Variants in MSH3 observed in about 807,000 individuals in gnomAD.
The protein encoded by MSH3 is mutS homolog 3, also known as DNA mismatch repair protein Msh3.
In MSH3, 106 loss-of-function variants were observed where a neutral mutation model predicts 123.3. The ratio of observed to expected loss-of-function variants is 0.86; its 90% CI spans 0.73 to 1.01. The LOEUF is 1.01. Among genes scored for constraint, MSH3 ranks in the 50% least tolerant of loss-of-function variants. The probability of loss-of-function intolerance (pLI) is 0.00; values close to 1 mark genes in which losing one functional copy is unlikely to be tolerated. For missense variants in MSH3, 1,459 were observed against 1,347.6 expected (o/e 1.08, Z -1.29); for synonymous variants, 515 against 481.4 (o/e 1.07, Z -0.91).
intron 4 of MSH3, among the ~76,000 whole-genome samples, chr5:80,671,137 A>T (rs1002053273): frequency 6.9e-6 from 1 of 144,098 alleles, no homozygotes; most frequent in African/African-American, 2.6e-5. Flanking sequence ...AAAAAAAAAA[A>T]TTGGGATTGT....
intron 17 of MSH3, 22 bp from the exon 18 acceptor site, chr5:80,787,543 G>T (rs1744530214): frequency 6.5e-7 from 1 of 1,532,288 alleles, no homozygotes; most frequent in Non-Finnish European, 9.0e-7. Flanking sequence ...TCACCTTTTT[G>T]TTGTTGCTGC....
chr5:80,761,942 C>T (rs1193746725), intron 13 of MSH3, among the ~76,000 whole-genome samples: 1 of 151,868 alleles, frequency 6.6e-6, no homozygotes, highest in African/African-American at 2.4e-5. Flanking sequence ...GGGTATTCTC[C>T]TGTTTCATCC....
chr5:80,810,504 C>T (rs1393018239), intron 19 of MSH3, among the ~76,000 whole-genome samples: 2 of 152,046 alleles, frequency 1.3e-5, no homozygotes, highest in East Asian at 1.9e-4. Context: ...CTTTGCTAGG[C>T]GTTTCCATAT....
chr5:80,784,229 AAAAAAAAAAAG>A lies in MSH3; in HGVS notation c.2436-3335_2436-3325del, dbSNP rs1307679075. On this transcript the variant is annotated intron_variant, in intron 17 of 23. Coordinates refer to ENST00000265081, the MANE Select transcript of MSH3 (RefSeq NM_002439.5). ...CTACGTCGCAAAAAAAAAAAAAAAAAAAAAAAAAAAGGGAAATAAATAAATAAATAAATAAA... is the reference window on the plus strand; with the variant it reads ...CTACGTCGCAAAAAAAAAAAAAAAAAGGAAATAAATAAATAAATAAATAAA... Among the ~76,000 whole-genome samples the A allele has an allele frequency of 7.0e-3, 964 of 138,230 alleles. 65 individuals are homozygous for A. The highest frequency in any genetic ancestry group is 0.039 in the Middle Eastern group (11 of 284). 90.7% of individuals were successfully genotyped at this position (138,230 alleles called of 152,430 possible). A position where few individuals can be genotyped will look rare whatever the true frequency, so the allele number is the denominator to read the frequency against.
intron 10 of MSH3, 83 bp from the exon 11 acceptor site, chr5:80,741,381 C>G: frequency 1.1e-6 from 1 of 902,094 alleles, no homozygotes; most frequent in Non-Finnish European, 1.8e-6. Flanking sequence ...CATAATGTAG[C>G]TGGCATGTTT....
intron 12 of MSH3, among the ~76,000 whole-genome samples, chr5:80,755,678 A>G (rs1055483458): frequency 2.6e-5 from 4 of 152,196 alleles, no homozygotes; most frequent in African/African-American, 9.6e-5. Context: ...GGAACTGGAA[A>G]TGGAAGTGAA....
chr5:80,870,980 T>C (rs1162734267), intron 22 of MSH3, among the ~76,000 whole-genome samples: 1 of 152,240 alleles, frequency 6.6e-6, no homozygotes, highest in Admixed American at 6.5e-5. Flanking sequence ...CATAATATCC[T>C]GAGCTGCTTT....
intron 20 of MSH3, among the ~76,000 whole-genome samples, chr5:80,818,569 T>C (rs1436615057): frequency 1.3e-5 from 2 of 152,074 alleles, no homozygotes; most frequent in African/African-American, 4.8e-5. Context: ...TAAAAATTTT[T>C]GAGCACTGAC....
rs1233764396 is a variant in MSH3, at chr5:80,876,807, C to T, written c.*945C>T. Among the ~76,000 whole-genome samples, 1 of 152,114 alleles carries T rather than the reference C, an allele frequency of 6.6e-6. No individual in the cohort carries two copies. The highest frequency in any genetic ancestry group is 1.5e-5 in the Non-Finnish European group (1 of 68,030). On this transcript the variant is annotated 3_prime_UTR_variant, in exon 24 of 24. Transcript: ENST00000265081. ...TCAAGTAATAAATATTTAATGAATA[C>T]TTGCTATAGATGATGGTATGTCCCA...
rs866514731 is a variant in MSH3, at chr5:80,691,827, A to T, written c.1340+12734A>T. Among the ~76,000 whole-genome samples, 10 of 147,898 alleles carry T rather than the reference A, an allele frequency of 6.8e-5. 2 individuals carry two copies. Among genetic ancestry groups the T allele is most frequent in the African/African-American group, 2.5e-4 (10 of 40,782 alleles). On this transcript the variant is annotated intron_variant, in intron 8 of 23. Transcript: ENST00000265081. Reference sequence around the variant, plus strand: ...TATCTAAATATATATGTATGTTTATATAGATAAATAAACATGTATATATTT... The same window carrying T: ...TATCTAAATATATATGTATGTTTATTTAGATAAATAAACATGTATATATTT...
intron 20 of MSH3, among the ~76,000 whole-genome samples, chr5:80,848,089 A>G (rs796785843): frequency 1.8e-4 from 28 of 152,290 alleles, no homozygotes; most frequent in African/African-American, 6.7e-4. Flanking sequence ...AAAATAAAAA[A>G]TTAGCCAGGC....
At chr5:80,659,450 G>C (rs1263588694) in intron 2 of MSH3, among the ~76,000 whole-genome samples, 2 of 152,084 alleles carry the variant, frequency 1.3e-5, no homozygotes, top group African/African-American at 4.8e-5. Context: ...TCTACTTTCT[G>C]TGTATAGATT....
At chr5:80,744,967 G>T (rs925437221) in intron 12 of MSH3, among the ~76,000 whole-genome samples, 10 of 152,174 alleles carry the variant, frequency 6.6e-5, no homozygotes, top group Non-Finnish European at 1.3e-4. Flanking sequence ...GGGCTTGTGT[G>T]TAGGAGGGGA....
At chr5:80,810,919 T>C (rs992133187) in intron 19 of MSH3, among the ~76,000 whole-genome samples, 45 of 152,136 alleles carry the variant, frequency 3.0e-4, no homozygotes, top group Non-Finnish European at 1.2e-4. Context: ...AATCTGAAAA[T>C]CTAAAATCTG....
At chr5:80,669,463 T>C (rs902781840) in intron 3 of MSH3, among the ~76,000 whole-genome samples, 1 of 152,220 alleles carries the variant, frequency 6.6e-6, no homozygotes, top group Non-Finnish European at 1.5e-5. Context: ...AAGCTGTGAA[T>C]TGGAATTAAT....
chr5:80,857,921 T>G (rs1486861659), intron 21 of MSH3, among the ~76,000 whole-genome samples: 4 of 152,144 alleles, frequency 2.6e-5, no homozygotes, highest in Non-Finnish European at 5.9e-5. Context: ...TCTTTTCTTT[T>G]GCTTATTTTT....
At chr5:80,826,322 G>A (rs1031190986) in intron 20 of MSH3, among the ~76,000 whole-genome samples, 4 of 152,068 alleles carry the variant, frequency 2.6e-5, no homozygotes, top group African/African-American at 4.8e-5. Context: ...AATGCTTTTT[G>A]TACTCAATGG....
chr5:80,715,794 C>T (rs1211909547), intron 8 of MSH3, among the ~76,000 whole-genome samples: 2 of 152,080 alleles, frequency 1.3e-5, no homozygotes, highest in Admixed American at 1.3e-4. Flanking sequence ...CATGAGAACT[C>T]ACTCACTATC....
In MSH3 at chr5:80,756,847, A is replaced by G. The variant is rs543750680; in HGVS notation, c.1764-4699A>G. Among the ~76,000 whole-genome samples the G allele has an allele frequency of 4.6e-5, 7 of 152,278 alleles. No individual in the cohort carries two copies. The South Asian group carries it at 1.2e-3, about 27-fold the overall frequency. ...AATGGTGTATGTGAAAGGTGAAGCT[A>G]TATAGGTCTAATGATGCTTAGATCC... On this transcript the variant is annotated intron_variant, in intron 12 of 23. Coordinates refer to ENST00000265081, the MANE Select transcript of MSH3 (RefSeq NM_002439.5).
Sources: gnomAD v4.1 joint callset for allele counts (sites outside exome capture counted in the v4.1 genomes callset) on GRCh38, gnomAD v4.1.1 for gene constraint, MANE v1.5 for transcripts, NCBI Gene and HGNC (gene_info 2026-07-23, HGNC 2026-07-21) for gene names.